The following GPC5 variants were observed in gnomAD, a reference collection of about 807,000 sequenced individuals.
GPC5 encodes glypican 5.
Under a neutral mutation model 53.9 loss-of-function variants are expected in GPC5, and 47 were observed. The observed-to-expected ratio is 0.87, with a 90% confidence interval of 0.69 to 1.11. The LOEUF is 1.11. Ranked by LOEUF, GPC5 falls within the 50% of genes most tolerant of loss-of-function variation. The pLI, the probability that GPC5 is intolerant of heterozygous loss-of-function variation, is 0.00. For synonymous variants in GPC5, 286 were observed against 263.3 expected (o/e 1.09, Z -0.84); for missense variants, 748 against 713.1 (o/e 1.05, Z -0.56).
In GPC5 at chr13:91,548,262, G is replaced by A. The variant is rs920560774; in HGVS notation, c.325+99340G>A. On this transcript the variant is annotated intron_variant, in intron 2 of 7. Coordinates refer to ENST00000377067, the MANE Select transcript of GPC5 (RefSeq NM_004466.6). ...CACCTGGAACTAATAATCAATTATG[G>A]CAAGGATGTAGGACGCAAGGTTAAC... is the stretch of plus-strand genomic sequence containing the variant. Among the ~76,000 whole-genome samples the A allele has an allele frequency of 2.6e-5, 4 of 152,056 alleles. No individual in the cohort carries two copies. In the South Asian group the frequency reaches 8.3e-4, roughly 32 times the overall value.
intron 7 of GPC5, among the ~76,000 whole-genome samples, chr13:92,254,155 T>A (rs2042710998): frequency 6.6e-6 from 1 of 151,954 alleles, no homozygotes; most frequent in Non-Finnish European, 1.5e-5. Flanking sequence ...GTCACTCTAC[T>A]CTCTTCCTTC....
At chr13:92,537,128 A>C (rs1881750619) in intron 7 of GPC5, among the ~76,000 whole-genome samples, 1 of 152,156 alleles carries the variant, frequency 6.6e-6, no homozygotes, top group African/African-American at 2.4e-5. Context: ...ATTCATTTAC[A>C]TTATGTTTTA....
At chr13:92,038,151 A>G (rs1011084786) in intron 6 of GPC5, among the ~76,000 whole-genome samples, 2 of 152,020 alleles carry the variant, frequency 1.3e-5, no homozygotes, top group African/African-American at 4.8e-5. Context: ...GATTTCCTAT[A>G]GGATATTAGA....
At chr13:91,561,675 GT>G (rs2031270078) in intron 2 of GPC5, among the ~76,000 whole-genome samples, 1 of 151,926 alleles carries the variant, frequency 6.6e-6, no homozygotes, top group Non-Finnish European at 1.5e-5. Flanking sequence ...TCATTCACCT[GT>G]TTGGTCTGTG....
intron 6 of GPC5, among the ~76,000 whole-genome samples, chr13:91,917,850 C>A (rs1374368811): frequency 6.6e-6 from 1 of 152,152 alleles, no homozygotes; most frequent in Non-Finnish European, 1.5e-5. Context: ...CTAGGAAGTT[C>A]CAAAATTCCC....
intron 2 of GPC5, among the ~76,000 whole-genome samples, chr13:91,471,095 G>T (rs1358007302): frequency 1.3e-5 from 2 of 152,150 alleles, no homozygotes; most frequent in East Asian, 1.9e-4. Context: ...TTTGGTTAAA[G>T]GTGCCGGTTA....
intron 7 of GPC5, among the ~76,000 whole-genome samples, chr13:92,837,936 T>C (rs992542862): frequency 1.3e-5 from 2 of 151,182 alleles, no homozygotes; most frequent in Admixed American, 6.6e-5. Context: ...CTACTAAAAA[T>C]ACAAAAAAAT....
chr13:92,033,072 T>TGTGTGTGTGTGTGTGC (rs1470967154), intron 6 of GPC5, among the ~76,000 whole-genome samples: 4 of 151,444 alleles, frequency 2.6e-5, no homozygotes, highest in African/African-American at 9.7e-5. Flanking sequence ...TGTGTGTGTG[T>TGTGTGTGTGTGTGTGC]GTGCTTCTCA....
intron 2 of GPC5, among the ~76,000 whole-genome samples, chr13:91,666,854 T>C (rs566310146): frequency 6.6e-6 from 1 of 152,302 alleles, no homozygotes; most frequent in African/African-American, 2.4e-5. Flanking sequence ...TAGTTTTTAT[T>C]CCACAGCCTT....
intron 3 of GPC5, among the ~76,000 whole-genome samples, chr13:91,707,251 A>G (rs897612730): frequency 6.6e-6 from 1 of 152,164 alleles, no homozygotes; most frequent in African/African-American, 2.4e-5. Context: ...TAACATTGTT[A>G]GTCATTAGTG....
intron 7 of GPC5, among the ~76,000 whole-genome samples, chr13:92,284,523 C>A (rs569369626): frequency 1.3e-5 from 2 of 152,254 alleles, no homozygotes; most frequent in South Asian, 4.1e-4. Context: ...TCCAGCAGCA[C>A]GTCAAAAAGC....
At chr13:92,529,422 T>G (rs921570881) in intron 7 of GPC5, among the ~76,000 whole-genome samples, 4 of 152,182 alleles carry the variant, frequency 2.6e-5, no homozygotes, top group African/African-American at 9.6e-5. Context: ...TTATTTAAGG[T>G]CTTATAATAA....
At chr13:92,047,442 A>ATT (rs147815852) in intron 6 of GPC5, among the ~76,000 whole-genome samples, 6,980 of 99,834 alleles carry the variant, frequency 0.07, 255 homozygotes, top group Non-Finnish European at 0.11. Flanking sequence ...ATATATATAT[A>ATT]TTTTTTTTTC....
rs1180435443 is a variant in GPC5 at position 92,759,558 on chromosome 13, G to C, written c.1562-106724G>C. 2.0e-5 allele frequency among the ~76,000 whole-genome samples: 3 copies of C among 152,026 alleles called. No homozygotes were observed. The East Asian group carries it at 5.8e-4, about 29-fold the overall frequency. On this transcript the variant is annotated intron_variant, in intron 7 of 7. Coordinates refer to ENST00000377067, the MANE Select transcript of GPC5 (RefSeq NM_004466.6). The stretch of plus-strand genomic sequence containing the variant: ...CAAATGCCATAGATTTTTATATGTT[G>C]ATTTTATGTCCTGCAATTTCACTGA...
intron 6 of GPC5, among the ~76,000 whole-genome samples, chr13:92,066,286 G>T (rs1349762668): frequency 6.6e-6 from 1 of 152,008 alleles, no homozygotes; most frequent in African/African-American, 2.4e-5. Flanking sequence ...ACAGAGAAGG[G>T]ATTCAGTAAA....
At chr13:91,739,131 G>A (rs1189409156) in intron 4 of GPC5, among the ~76,000 whole-genome samples, 2 of 151,488 alleles carry the variant, frequency 1.3e-5, no homozygotes, top group Non-Finnish European at 2.9e-5. Context: ...AAATGTCTAA[G>A]CCATCGTTAA....
At chr13:91,894,742 AT>A (rs1332512649) in intron 5 of GPC5, among the ~76,000 whole-genome samples, 2 of 152,172 alleles carry the variant, frequency 1.3e-5, no homozygotes, top group Non-Finnish European at 2.9e-5. Flanking sequence ...AGAACCAATC[AT>A]TTGCAGACAT....
At chr13:91,462,742 G>T (rs981522165) in intron 2 of GPC5, among the ~76,000 whole-genome samples, 2 of 151,924 alleles carry the variant, frequency 1.3e-5, no homozygotes, top group Non-Finnish European at 2.9e-5. Flanking sequence ...GTTCAAGAAG[G>T]AATGATAAAT....
At chr13:92,841,977 A>T (rs1878445577) in intron 7 of GPC5, among the ~76,000 whole-genome samples, 1 of 151,880 alleles carries the variant, frequency 6.6e-6, no homozygotes, top group Non-Finnish European at 1.5e-5. Context: ...TTTGTTTCTG[A>T]TAGGTTATTA....
Sources: gnomAD v4.1 joint callset for allele counts (sites outside exome capture counted in the v4.1 genomes callset) on GRCh38, gnomAD v4.1.1 for gene constraint, MANE v1.5 for transcripts, NCBI Gene and HGNC (gene_info 2026-07-23, HGNC 2026-07-21) for gene names.